SCNN1A: variants seen among roughly 807,000 people sequenced by gnomAD.
The protein encoded by SCNN1A is sodium channel epithelial 1 subunit alpha, also known as epithelial sodium channel subunit alpha.
Under a neutral mutation model 68.6 loss-of-function variants are expected in SCNN1A, and 65 were observed. The ratio of observed to expected loss-of-function variants is 0.95; its 90% CI spans 0.78 to 1.16. The LOEUF (loss-of-function observed/expected upper bound fraction) is 1.16. Ranked by LOEUF, SCNN1A falls within the 50% of genes most tolerant of loss-of-function variation. SCNN1A has a pLI of 0.00. For synonymous variants in SCNN1A, 357 were observed against 353.3 expected, an observed-to-expected ratio of 1.01 and a Z score of -0.12; for missense variants, 880 against 865.9, an observed-to-expected ratio of 1.02 and a Z score of -0.20.
At chr12:6,373,139 TTC>T (rs555581039) in intron 2 of SCNN1A, among the ~76,000 whole-genome samples, 1 of 151,940 alleles carries the variant, frequency 6.6e-6, no homozygotes, top group Non-Finnish European at 1.5e-5. Context: ...GCTTTTTTTT[TTC>T]TCTCTCTCTC....
intron 8 of SCNN1A, among the ~76,000 whole-genome samples, chr12:6,353,547 T>A (rs1948426373): frequency 6.6e-6 from 1 of 152,056 alleles, no homozygotes; most frequent in South Asian, 2.1e-4. Flanking sequence ...TCTTCCTTCC[T>A]TCTGCTGCAG....
rs1948852217 is a variant in SCNN1A, at chr12:6,374,230, G to A, written c.416+138C>T. The A allele has an allele frequency of 2.1e-6, 2 of 952,778 alleles. No homozygotes were observed. The highest frequency in any genetic ancestry group is 3.1e-6 in the Non-Finnish European group (2 of 637,690). The allele number at this position is 952,778 out of a possible 1,614,324, so 59.0% of individuals were successfully genotyped here. On this transcript the variant is annotated intron_variant, in intron 2 of 12. Coordinates refer to ENST00000228916, the MANE Select transcript of SCNN1A (RefSeq NM_001038.6). This position sits in a 1 kb window ranked among gnomAD's most constrained non-coding sequence, Gnocchi z 6.2. ...AAGCTGGAGGCTCCTCATTTTGCCA[G>A]CAGTGAGCTCTACCTGGGACAGGGG... is the stretch of plus-strand genomic sequence containing the variant.
In SCNN1A at chr12:6,363,559, G is replaced by C; in HGVS notation, c.568C>G (p.Arg190Gly). The C allele has an allele frequency of 1.9e-6, 3 of 1,610,584 alleles. No homozygotes were observed. Among genetic ancestry groups the C allele is most frequent in the Non-Finnish European group, 2.5e-6 (3 of 1,178,588 alleles). Reference sequence around the variant, plus strand: ...TGAGGCGGGGGCGGGACCCTCAGGCGCTGCAAGGGGTGCGGCAGAGTCCCC... The same window carrying C: ...TGAGGCGGGGGCGGGACCCTCAGGCCCTGCAAGGGGTGCGGCAGAGTCCCC... ...LRGTLPHPLQRLRVPPPPHGA... is the reference protein window; with the variant it reads ...LRGTLPHPLQGLRVPPPPHGA... Residue 190 changes from arginine (R) to glycine (G), a missense_variant, in exon 3 of 13, where the codon CGC (arginine) becomes GGC (glycine). Coordinates refer to ENST00000228916, the MANE Select transcript of SCNN1A (RefSeq NM_001038.6).
chr12:6,360,688 G>A (rs1435716228), intron 4 of SCNN1A, among the ~76,000 whole-genome samples: 1 of 152,250 alleles, frequency 6.6e-6, no homozygotes, highest in Non-Finnish European at 1.5e-5. Context: ...CCCCTGTAGA[G>A]TGGAGCCAGG....
chr12:6,375,613 G>A (rs1217885772), upstream of SCNN1A: 17 of 912,936 alleles, frequency 1.9e-5, no homozygotes, highest in Non-Finnish European at 2.7e-5. Flanking sequence ...GGCGGGGGGA[G>A]GGGCTGAGGA....
intron 7 of SCNN1A, 86 bp from the exon 8 acceptor site, chr12:6,354,641 AC>A: frequency 2.8e-6 from 4 of 1,409,754 alleles, no homozygotes; most frequent in Non-Finnish European, 4.0e-6. Flanking sequence ...TCTTTCCACC[AC>A]CCCCCAGTTT....
At chr12:6,373,800 A>G (rs1948839603) in intron 2 of SCNN1A, among the ~76,000 whole-genome samples, 1 of 152,142 alleles carries the variant, frequency 6.6e-6, no homozygotes, top group Non-Finnish European at 1.5e-5. Flanking sequence ...CTTGTTCTGT[A>G]AGGCCCCTGC....
rs369164795 is a variant in SCNN1A, at chr12:6,374,331, C to A, written c.416+37G>T. 14 of 1,607,632 alleles carry A rather than the reference C, an allele frequency of 8.7e-6. No homozygotes were observed. The highest frequency in any genetic ancestry group is 6.7e-5 in the East Asian group (3 of 44,748). On this transcript the variant is annotated intron_variant, in intron 2 of 12. Coordinates refer to ENST00000228916, the MANE Select transcript of SCNN1A (RefSeq NM_001038.6). This position sits in a 1 kb window ranked among gnomAD's most constrained non-coding sequence, Gnocchi z 6.2. The stretch of plus-strand genomic sequence containing the variant: ...CAGCACCCTGGACCACCCTTCCAGG[C>A]GCAGGCACCAGGGAAGGGGCAGAGG...
intron 6 of SCNN1A, 23 bp downstream of exon 6, chr12:6,355,249 G>A (rs1948475312): frequency 1.2e-6 from 2 of 1,607,852 alleles, no homozygotes; most frequent in Admixed American, 1.7e-5. Flanking sequence ...GCTCCTTCCA[G>A]GCCTCCCAGT....
intron 7 of SCNN1A, 47 bp downstream of exon 7, chr12:6,354,703 A>T (rs1379633497): frequency 1.9e-6 from 3 of 1,541,830 alleles, no homozygotes; most frequent in Admixed American, 3.3e-5. Flanking sequence ...AGGGCCAGCC[A>T]GGGCAGTGGC....
upstream of SCNN1A, chr12:6,375,750 G>A: frequency 1.4e-6 from 2 of 1,412,622 alleles, no homozygotes; most frequent in Non-Finnish European, 1.8e-6. Flanking sequence ...GAGGCTGGGG[G>A]ACAGGATGGC....
At chr12:6,360,832 A>G (rs1182649552) in intron 4 of SCNN1A, among the ~76,000 whole-genome samples, 1 of 152,188 alleles carries the variant, frequency 6.6e-6, no homozygotes, top group Admixed American at 6.5e-5. Flanking sequence ...TGCAGCTGCT[A>G]TGAGCTGCTT....
At chr12:6,370,504 A>G (rs1948770483) in intron 2 of SCNN1A, among the ~76,000 whole-genome samples, 1 of 152,190 alleles carries the variant, frequency 6.6e-6, no homozygotes. Context: ...CTCCTCTCAC[A>G]GAAGAGCCCA....
At chr12:6,363,413 GGGCGGGCC>G in intron 3 of SCNN1A, 22 bp downstream of exon 3, 2 of 1,506,122 alleles carry the variant, frequency 1.3e-6, no homozygotes, top group Admixed American at 4.4e-5. Context: ...GCGAGGGGCG[GGGCGGGCC>G]CCTCGGCGCT....
At chr12:6,371,026 C>T (rs1241319671) in intron 2 of SCNN1A, among the ~76,000 whole-genome samples, 1 of 152,218 alleles carries the variant, frequency 6.6e-6, no homozygotes, top group Non-Finnish European at 1.5e-5. Context: ...CCCTTCCCTT[C>T]GGACTCAGCA....
At chr12:6,366,378 C>G (rs1480045327) in intron 2 of SCNN1A, among the ~76,000 whole-genome samples, 1 of 152,012 alleles carries the variant, frequency 6.6e-6, no homozygotes, top group Non-Finnish European at 1.5e-5. Flanking sequence ...TTTCTAATAG[C>G]CAAAAAGTAG....
chr12:6,361,676 A>T (rs200172488), intron 4 of SCNN1A, among the ~76,000 whole-genome samples: 1 of 152,142 alleles, frequency 6.6e-6, no homozygotes, highest in Non-Finnish European at 1.5e-5. Flanking sequence ...CCAGGAGGTG[A>T]AGGTTGCAGA....
intron 12 of SCNN1A, among the ~76,000 whole-genome samples, 154 bp downstream of exon 12, chr12:6,348,573 C>T (rs1169645712): frequency 6.8e-6 from 1 of 146,704 alleles, no homozygotes; most frequent in Non-Finnish European, 1.5e-5. Flanking sequence ...TCTTCCAACC[C>T]TCCCAACCTC....
intron 4 of SCNN1A, among the ~76,000 whole-genome samples, chr12:6,357,371 T>C (rs1948514175): frequency 6.6e-6 from 1 of 152,036 alleles, no homozygotes; most frequent in African/African-American, 2.4e-5. Context: ...GTCAGAAGTT[T>C]GAGACCAGCC....
Sources: gnomAD v4.1 joint callset for allele counts (sites outside exome capture counted in the v4.1 genomes callset) on GRCh38, gnomAD v4.1.1 for gene constraint, Gnocchi (gnomAD v3.1) non-coding constraint, MANE v1.5 for transcripts, NCBI Gene and HGNC (gene_info 2026-07-23, HGNC 2026-07-21) for gene names.